The following MYT1L variants were observed in gnomAD, a reference collection of about 807,000 sequenced individuals.
MYT1L encodes the protein myelin transcription factor 1 like, also known as myelin transcription factor 1-like protein.
A neutral mutation model predicts 126.7 loss-of-function variants in MYT1L; 12 were observed. The observed-to-expected ratio is 0.09, with a 90% CI of 0.06 to 0.15. The LOEUF is 0.15. Ranked by LOEUF, MYT1L falls within the 10% of genes least tolerant of loss-of-function variation. The pLI is 1.00. For synonymous variants in MYT1L, 541 were observed against 604.2 expected (o/e 0.90, Z 1.53); for missense variants, 979 against 1,585.2 (o/e 0.62, Z 6.49).
intron 2 of MYT1L, among the ~76,000 whole-genome samples, chr2:2,217,691 C>CAAAA (rs1375307498): frequency 4.3e-5 from 3 of 70,536 alleles, no homozygotes; most frequent in African/African-American, 7.5e-5. Context: ...ACAACAACAA[C>CAAAA]AACAACAACA....
At chr2:1,798,785 G>T (rs2034296616) in intron 23 of MYT1L, among the ~76,000 whole-genome samples, 1 of 152,202 alleles carries the variant, frequency 6.6e-6, no homozygotes, top group African/African-American at 2.4e-5. Flanking sequence ...AGGCCATCAG[G>T]CAGGGCCGCT....
intron 1 of MYT1L, among the ~76,000 whole-genome samples, chr2:2,296,851 G>A (rs565917186): frequency 2.3e-4 from 35 of 152,310 alleles, no homozygotes; most frequent in African/African-American, 6.3e-4. Flanking sequence ...AGGCCTCACC[G>A]GTGTGTGCAG....
At chr2:1,810,440 T>A (rs2036424889) in intron 21 of MYT1L, among the ~76,000 whole-genome samples, 1 of 152,208 alleles carries the variant, frequency 6.6e-6, no homozygotes, top group African/African-American at 2.4e-5. Flanking sequence ...GCACCCCGCC[T>A]ATAATGTTTT....
intron 1 of MYT1L, among the ~76,000 whole-genome samples, chr2:2,302,773 T>TA (rs1167649006): frequency 6.6e-6 from 1 of 152,196 alleles, no homozygotes; most frequent in Non-Finnish European, 1.5e-5. Flanking sequence ...AATTAGATTG[T>TA]AGACGTGGTA....
intron 3 of MYT1L, among the ~76,000 whole-genome samples, chr2:2,127,652 G>A (rs1389580420): frequency 3.9e-5 from 6 of 152,104 alleles, no homozygotes; most frequent in Admixed American, 2.6e-4. Flanking sequence ...AATGAACCAC[G>A]CAGCATGTGC....
chr2:2,275,008 G>A (rs552722473), intron 2 of MYT1L, among the ~76,000 whole-genome samples: 8 of 152,140 alleles, frequency 5.3e-5, no homozygotes, highest in Non-Finnish European at 1.0e-4. Flanking sequence ...TGAGACCAGG[G>A]CAGTGTTGCA....
chr2:2,320,094 A>G (rs1161763141), intron 1 of MYT1L, among the ~76,000 whole-genome samples: 1 of 152,126 alleles, frequency 6.6e-6, no homozygotes, highest in Non-Finnish European at 1.5e-5. Flanking sequence ...AAAATAATTA[A>G]TATATGTGCA....
chr2:2,270,357 G>A (rs1317399323), intron 2 of MYT1L, among the ~76,000 whole-genome samples: 1 of 152,204 alleles, frequency 6.6e-6, no homozygotes, highest in African/African-American at 2.4e-5. Flanking sequence ...GCCTGCATCT[G>A]CCTCATCACA....
chr2:2,001,237 C>CTTTTTTTTTTTTTTTTTGTTTTTTTTT (rs11389323), intron 4 of MYT1L, among the ~76,000 whole-genome samples: 2 of 103,908 alleles, frequency 1.9e-5, no homozygotes, highest in African/African-American at 7.7e-5. Flanking sequence ...TTGGTTTTAG[C>CTTTTTTTTTTTTTTTTTGTTTTTTTTT]TTTTTTTTTT....
chr2:2,006,788 C>CCGGT (rs2063370131), intron 4 of MYT1L, among the ~76,000 whole-genome samples: 1 of 151,992 alleles, frequency 6.6e-6, no homozygotes, highest in South Asian at 2.1e-4. Flanking sequence ...GTTGGCCAGA[C>CCGGT]CGGTCTCCAA....
At chr2:2,162,792 A>T (rs2088233374) in intron 3 of MYT1L, among the ~76,000 whole-genome samples, 1 of 152,182 alleles carries the variant, frequency 6.6e-6, no homozygotes, top group Non-Finnish European at 1.5e-5. Flanking sequence ...TAAACAGCCT[A>T]GTCTATTCCA....
rs532643748 is a variant in MYT1L at position 1,943,115 on chromosome 2, G to A, written c.372C>T (p.Asp124=). Residue 124 remains aspartate, a synonymous_variant, in exon 9 of 25, where the codon GAC becomes GAT. Coordinates refer to ENST00000647738, the MANE Select transcript of MYT1L (RefSeq NM_001303052.2). This position sits in a 1 kb window ranked among gnomAD's most constrained non-coding sequence, Gnocchi z 4.4. ...NDEPGDEDEE[D]EEGDREEEEE... ...CCTCCTCCTCCCGGTCCCCCTCCTC[G>A]TCCTCCTCGTCCTCATCCCCTGGCT... The A allele has an allele frequency of 5.9e-4, 859 of 1,461,670 alleles. 15 individuals are homozygous for A. In the South Asian group the frequency reaches 7.8e-3, roughly 13 times the overall value. 90.5% of individuals were successfully genotyped at this position (1,461,670 alleles called of 1,614,324 possible). A position where few individuals can be genotyped will look rare whatever the true frequency, so the allele number is the denominator to read the frequency against.
intron 3 of MYT1L, among the ~76,000 whole-genome samples, chr2:2,056,937 T>C (rs1376967665): frequency 6.6e-6 from 1 of 152,212 alleles, no homozygotes; most frequent in South Asian, 2.1e-4. Flanking sequence ...CACACAGATT[T>C]TGGTTTTAAA....
intron 3 of MYT1L, among the ~76,000 whole-genome samples, chr2:2,068,796 T>TTTTTTTTTA (rs2074230789): frequency 7.3e-6 from 1 of 136,700 alleles, no homozygotes; most frequent in Non-Finnish European, 1.6e-5. Flanking sequence ...TTTTTTTTTT[T>TTTTTTTTTA]TTCATATGTA....
At chr2:1,998,832 A>C (rs188855740) in intron 4 of MYT1L, among the ~76,000 whole-genome samples, 1 of 151,904 alleles carries the variant, frequency 6.6e-6, no homozygotes, top group African/African-American at 2.4e-5. Context: ...CACAATTCCT[A>C]CCCGCCTTTG....
chr2:1,993,897 C>T (rs959759004), intron 5 of MYT1L, among the ~76,000 whole-genome samples: 3 of 152,226 alleles, frequency 2.0e-5, no homozygotes, highest in Non-Finnish European at 2.9e-5. Flanking sequence ...TCACCGTCCA[C>T]AGCTCCTCGT....
At chr2:1,996,637 C>T (rs564704198) in intron 5 of MYT1L, among the ~76,000 whole-genome samples, 33 of 135,988 alleles carry the variant, frequency 2.4e-4, no homozygotes, top group African/African-American at 8.6e-4. Context: ...CGAGTGTAGA[C>T]GGGCCGCCTT....
chr2:2,170,835 C>T (rs560978013), intron 3 of MYT1L, among the ~76,000 whole-genome samples: 1 of 152,274 alleles, frequency 6.6e-6, no homozygotes, highest in African/African-American at 2.4e-5. Flanking sequence ...GTGTGGCTGT[C>T]ATGGTGACCT....
At position 2,074,228 on chromosome 2, in the gene MYT1L, G is replaced by A. The variant is rs144925963; in HGVS notation, c.-303-20105C>T. Among the ~76,000 whole-genome samples, 885 of 152,126 alleles carry A rather than the reference G, an allele frequency of 5.8e-3. 11 individuals carry two copies. Among genetic ancestry groups the A allele is most frequent in the African/African-American group, 0.019 (808 of 41,490 alleles). ...TCAGTTAAAGATCCTTTTTCTAACT[G>A]ATTTTAAAAAAAACATGCCACTTTT... On this transcript the variant is annotated intron_variant, in intron 3 of 24. Transcript: ENST00000647738.
Sources: gnomAD v4.1 joint callset for allele counts (sites outside exome capture counted in the v4.1 genomes callset) on GRCh38, gnomAD v4.1.1 for gene constraint, Gnocchi (gnomAD v3.1) non-coding constraint, MANE v1.5 for transcripts, NCBI Gene and HGNC (gene_info 2026-07-23, HGNC 2026-07-21) for gene names.